Variants in MMP9 observed in about 807,000 individuals in gnomAD.
MMP9 encodes matrix metalloproteinase-9.
A neutral mutation model predicts 76.4 loss-of-function variants in MMP9; 73 were observed. The ratio of observed to expected loss-of-function variants is 0.96; its 90% CI spans 0.79 to 1.16. The LOEUF is 1.16. Ranked by LOEUF, MMP9 falls within the 50% of genes most tolerant of loss-of-function variation. The pLI, the probability that MMP9 is intolerant of heterozygous loss-of-function variation, is 0.00. For synonymous variants in MMP9, 412 were observed against 408.4 expected, an observed-to-expected ratio of 1.01 and a Z score of -0.11; for missense variants, 943 against 973.0, an observed-to-expected ratio of 0.97 and a Z score of 0.41.
rs1334804490 is a variant in MMP9 at position 46,011,563 on chromosome 20, C to A, written c.824-11C>A. ...GCCTTCTCCCCCTTTCCCACATCCT[C>A]CTCGCCCCAGGACTCTACACCCAGG... On this transcript the variant is annotated splice_polypyrimidine_tract_variant and intron_variant, in intron 5 of 12. Coordinates refer to ENST00000372330, the MANE Select transcript of MMP9 (RefSeq NM_004994.3). 6.2e-7 allele frequency: 1 copy of A among 1,613,892 alleles called. No individual in the cohort carries two copies. Among genetic ancestry groups the A allele is most frequent in the Non-Finnish European group, 8.5e-7 (1 of 1,179,958 alleles).
In MMP9 at chr20:46,012,148, G is replaced by A. The variant is rs149701392; in HGVS notation, c.1009G>A (p.Val337Met). 1.1e-5 allele frequency: 18 copies of A among 1,613,966 alleles called. 1 individual carries two copies. The highest frequency in any genetic ancestry group is 1.7e-5 in the Admixed American group (1 of 60,006). The change falls in exon 7 of 13, where the codon GTG becomes ATG. Residue 337 changes from valine (V) to methionine (M), a missense_variant. By Grantham distance (21) the Val-to-Met change is conservative. Transcript: ENST00000372330. ...GFCPTRADST[V>M]MGGNSAGELC... ...TTGGGTCTCTCCAGCTGACTCGACG[G>A]TGATGGGGGGCAACTCGGCGGGGGA...
chr20:46,011,874 C>T lies in MMP9; in HGVS notation c.997+127C>T, dbSNP rs55721383. On this transcript the variant is annotated intron_variant, in intron 6 of 12. Coordinates refer to ENST00000372330, the MANE Select transcript of MMP9 (RefSeq NM_004994.3). The stretch of plus-strand genomic sequence containing the variant: ...TTGGTCCTCAGGACGACCGTGACTC[C>T]GCCCACCTACACCACATTTCCACCA... 4.0e-3 allele frequency: 4,765 copies of T among 1,193,224 alleles called. 19 individuals carry two copies. Among genetic ancestry groups the T allele is most frequent in the African/African-American group, 9.4e-3 (623 of 66,394 alleles). 73.9% of individuals were successfully genotyped at this position (1,193,224 alleles called of 1,614,324 possible).
In MMP9 at chr20:46,010,565, A is replaced by G; in HGVS notation, c.454A>G (p.Thr152Ala). The G allele has an allele frequency of 6.2e-7, 1 of 1,614,118 alleles. No homozygotes were observed. Among genetic ancestry groups the G allele is most frequent in the Non-Finnish European group, 8.5e-7 (1 of 1,180,038 alleles). ...ARAFALWSAV[T>A]PLTFTRVYSR... ...CGCCTTCGCACTGTGGAGCGCGGTG[A>G]CGCCGCTCACCTTCACTCGCGTGTA... The change falls in exon 3 of 13, where the codon ACG becomes GCG. Residue 152 changes from threonine to alanine, a missense_variant. Transcript: ENST00000372330.
intron 12 of MMP9, among the ~76,000 whole-genome samples, chr20:46,015,399 T>C (rs1276945134): frequency 6.6e-6 from 1 of 152,164 alleles, no homozygotes; most frequent in Non-Finnish European, 1.5e-5. Context: ...ATTATCTATT[T>C]ACTTGTTTTT....
At chr20:46,012,403 G>A (rs536902252) in intron 7 of MMP9, 24 bp from the exon 8 acceptor site, 2 of 1,613,876 alleles carry the variant, frequency 1.2e-6, no homozygotes, top group Non-Finnish European at 1.7e-6. Context: ...CGGCGCTCAC[G>A]TCTCAGGCTC....
chr20:46,010,371 G>C, intron 2 of MMP9, 112 bp from the exon 3 acceptor site: 1 of 972,810 alleles, frequency 1.0e-6, no homozygotes, highest in Non-Finnish European at 1.6e-6. Flanking sequence ...AGATGAGAGC[G>C]TGGACGGCAG....
intron 12 of MMP9, 48 bp downstream of exon 12, chr20:46,014,522 CTT>C: frequency 6.6e-7 from 1 of 1,507,410 alleles, no homozygotes. Flanking sequence ...CTAAGCTCCT[CTT>C]AGTGAGTGGT....
At chr20:46,011,400 C>A in intron 5 of MMP9, 84 bp downstream of exon 5, 1 of 1,570,252 alleles carries the variant, frequency 6.4e-7, no homozygotes, top group Non-Finnish European at 8.7e-7. Context: ...GCCACTAGTG[C>A]TGTGTGGCCT....
At chr20:46,014,682 C>G in intron 12 of MMP9, 1 of 622,750 alleles carries the variant, frequency 1.6e-6, no homozygotes, top group Non-Finnish European at 2.8e-6. Context: ...TCCTGCCTCC[C>G]CGGCTGGAAG....
In MMP9 at chr20:46,013,943, T is replaced by G; in HGVS notation, c.1750+147T>G. ...GCAGTTTAGCAAACGTAGGGGCGGC[T>G]GAGTTTCTGCCCCCTCCTCTCCACG... is the stretch of plus-strand genomic sequence containing the variant. On this transcript the variant is annotated intron_variant, in intron 10 of 12. Transcript: ENST00000372330. This position sits in a 1 kb window ranked among gnomAD's most constrained non-coding sequence, Gnocchi z 4.5. 7.1e-7 allele frequency: 1 copy of G among 1,400,774 alleles called. No homozygotes were observed. Among genetic ancestry groups the G allele is most frequent in the Non-Finnish European group, 9.7e-7 (1 of 1,029,428 alleles). The allele number at this position is 1,400,774 out of a possible 1,614,324, so 86.8% of individuals were successfully genotyped here.
chr20:46,014,435 G>C lies in MMP9; in HGVS notation c.1966G>C (p.Gly656Arg). ...SASEVDRMFP[G>R]VPLDTHDVFQ... ...CAGCGAGGTGGACCGGATGTTCCCCGGGGTGCCTTTGGACACGCACGACGT... is the reference window on the plus strand; with the variant it reads ...CAGCGAGGTGGACCGGATGTTCCCCCGGGTGCCTTTGGACACGCACGACGT... Residue 656 changes from glycine (G) to arginine (R), a missense_variant, in exon 12 of 13, where the codon GGG (glycine) becomes CGG (arginine). By Grantham distance (125) the Gly-to-Arg change is moderately radical. Coordinates refer to ENST00000372330, the MANE Select transcript of MMP9 (RefSeq NM_004994.3). 1 of 1,550,448 alleles carries C rather than the reference G, an allele frequency of 6.4e-7. No individual in the cohort carries two copies. Among genetic ancestry groups the C allele is most frequent in the Non-Finnish European group, 8.7e-7 (1 of 1,146,968 alleles).
chr20:46,010,217 C>T (rs761624452), intron 2 of MMP9, 119 bp downstream of exon 2: 10 of 996,630 alleles, frequency 1.0e-5, no homozygotes, highest in Non-Finnish European at 1.5e-5. Flanking sequence ...TAATGTGTGG[C>T]CCCTGGGGAG....
At chr20:46,014,819 CTGT>C (rs1234897090) in intron 12 of MMP9, 2 of 316,762 alleles carry the variant, frequency 6.3e-6, no homozygotes, top group African/African-American at 4.3e-5. Context: ...ATTCACAGCT[CTGT>C]GACTTTGGGC....
At chr20:46,014,883 G>A (rs2084309370) in intron 12 of MMP9, 1 of 201,286 alleles carries the variant, frequency 5.0e-6, no homozygotes, top group African/African-American at 2.3e-5. Flanking sequence ...TCTGTAATAT[G>A]GGGACTATAG....
rs143695450 is a variant in MMP9, at chr20:46,009,977, G to C, written c.250G>C (p.Gly84Arg). Residue 84 changes from glycine (G) to arginine (R), a missense_variant, in exon 2 of 13, where the codon GGT becomes CGT. Physicochemically the swap from Gly to Arg is moderately radical, Grantham distance 125. Coordinates refer to ENST00000372330, the MANE Select transcript of MMP9 (RefSeq NM_004994.3). ...LQKQLSLPET[G>R]ELDSATLKAM... ...GAAGCAACTGTCCCTGCCCGAGACC[G>C]GTGAGCTGGATAGCGCCACGCTGAA... 6.4e-7 allele frequency: 1 copy of C among 1,551,698 alleles called. No homozygotes were observed.
At position 46,012,273 on chromosome 20, in the gene MMP9, C is replaced by G; in HGVS notation, c.1134C>G (p.Asn378Lys). The G allele has an allele frequency of 6.2e-7, 1 of 1,613,936 alleles. No individual in the cohort carries two copies. Among genetic ancestry groups the G allele is most frequent in the African/African-American group, 1.3e-5 (1 of 75,070 alleles). The change falls in exon 7 of 13, where the codon AAC becomes AAG. Residue 378 changes from asparagine to lysine, a missense_variant. Transcript: ENST00000372330. The stretch of plus-strand genomic sequence containing the variant: ...GCCTCTGGTGCGCTACCACCTCGAA[C>G]TTTGACAGCGACAAGAAGTGGGGCT... ...DGRLWCATTS[N>K]FDSDKKWGFC...
chr20:46,014,888 C>G (rs553434171), intron 12 of MMP9: 1 of 186,902 alleles, frequency 5.4e-6, no homozygotes, highest in East Asian at 1.5e-4. Flanking sequence ...AATATGGGGA[C>G]TATAGCTGGA....
Position 46,013,593 on chromosome 20 carries a change from C to A in MMP9, c.1610+59C>A, listed in dbSNP as rs553464370. 81 of 1,611,862 alleles carry A rather than the reference C, an allele frequency of 5.0e-5. No individual in the cohort carries two copies. The African/African-American group carries it at 1.1e-3, about 21-fold the overall frequency. ...GGCTTTGCGGAGGGGCTGCCCGTCC[C>A]TTCCCGCCCACTGGCCCTGTGTCCA... is the stretch of plus-strand genomic sequence containing the variant. On this transcript the variant is annotated intron_variant, in intron 9 of 12. Coordinates refer to ENST00000372330, the MANE Select transcript of MMP9 (RefSeq NM_004994.3). This position sits in a 1 kb window ranked among gnomAD's most constrained non-coding sequence, Gnocchi z 4.5.
At chr20:46,010,706 G>T in intron 3 of MMP9, 75 bp downstream of exon 3, 1 of 1,557,056 alleles carries the variant, frequency 6.4e-7, no homozygotes, top group South Asian at 1.2e-5. Flanking sequence ...GAGCGTGGAG[G>T]CAGCAGTGGC....
Sources: gnomAD v4.1 joint callset for allele counts (sites outside exome capture counted in the v4.1 genomes callset) on GRCh38, gnomAD v4.1.1 for gene constraint, Gnocchi (gnomAD v3.1) non-coding constraint, MANE v1.5 for transcripts, NCBI Gene and HGNC (gene_info 2026-07-23, HGNC 2026-07-21) for gene names.